DOCK3: variants seen among roughly 807,000 people sequenced by gnomAD.
DOCK3 encodes the protein dedicator of cytokinesis protein 3.
DOCK3 carries 60 observed loss-of-function variants against 265.6 expected under a neutral mutation model. The ratio of observed to expected loss-of-function variants is 0.23; its 90% CI spans 0.18 to 0.28. The LOEUF (loss-of-function observed/expected upper bound fraction) is 0.28. Among genes scored for constraint, DOCK3 ranks in the 10% least tolerant of loss-of-function variants. The pLI is 1.00. For missense variants in DOCK3, 1,981 were observed against 2,594.3 expected, an observed-to-expected ratio of 0.76 and a Z score of 5.14; for synonymous variants, 881 against 938.0, an observed-to-expected ratio of 0.94 and a Z score of 1.11.
At chr3:50,960,858 T>G (rs987344966) in intron 5 of DOCK3, among the ~76,000 whole-genome samples, 2 of 152,196 alleles carry the variant, frequency 1.3e-5, no homozygotes, top group African/African-American at 4.8e-5. Flanking sequence ...TTTGTGGTGG[T>G]GTGAGATAAA....
chr3:50,679,910 T>A (rs1244872060), intron 1 of DOCK3, among the ~76,000 whole-genome samples: 1 of 152,226 alleles, frequency 6.6e-6, no homozygotes, highest in Non-Finnish European at 1.5e-5. Context: ...CTACTTGAGC[T>A]TTACACTATA....
intron 1 of DOCK3, among the ~76,000 whole-genome samples, chr3:50,716,523 G>A (rs138222070): frequency 2.3e-4 from 34 of 150,664 alleles, no homozygotes; most frequent in African/African-American, 4.1e-4. Flanking sequence ...GCGAGACTCC[G>A]TCTCAAAAAA....
chr3:50,792,071 A>G (rs1411182073), intron 2 of DOCK3, among the ~76,000 whole-genome samples: 3 of 149,434 alleles, frequency 2.0e-5, no homozygotes, highest in Non-Finnish European at 4.4e-5. Context: ...AATGATATGG[A>G]TTCTTCTCTG....
At chr3:50,880,756 A>T (rs1318673248) in intron 3 of DOCK3, among the ~76,000 whole-genome samples, 1 of 152,208 alleles carries the variant, frequency 6.6e-6, no homozygotes, top group Non-Finnish European at 1.5e-5. Flanking sequence ...AAAAAGTGGG[A>T]ATCCTCCCTA....
chr3:51,305,318 GTC>G (rs2082593678), intron 27 of DOCK3, among the ~76,000 whole-genome samples: 1 of 151,796 alleles, frequency 6.6e-6, no homozygotes, highest in Non-Finnish European at 1.5e-5. Flanking sequence ...ATCCTTCTTT[GTC>G]TCTAACAAAA....
At position 51,333,190 on chromosome 3, in the gene DOCK3, G is replaced by A. The variant is rs370436668; in HGVS notation, c.3548G>A (p.Arg1183His). 148 of 1,613,916 alleles carry A rather than the reference G, an allele frequency of 9.2e-5. No individual in the cohort carries two copies. The highest frequency in any genetic ancestry group is 1.1e-4 in the Non-Finnish European group (131 of 1,179,894). ...GAGAAGGTTGAACAAGAAACATGGC[G>A]CGAGACCGGCATTTCCTTTGTGACC... The part of the protein sequence containing the change: ...LLEKVEQETW[R>H]ETGISFVTSV... Residue 1183 changes from arginine (R) to histidine (H), a missense_variant, in exon 35 of 53, where the codon CGC becomes CAC. By Grantham distance (29) the Arg-to-His change is conservative (BLOSUM62 0). This residue lies in a region of DOCK3 where 1,357 missense variants were observed against 1,866.8 expected (regional missense o/e 0.73). Transcript: ENST00000266037.
intron 3 of DOCK3, among the ~76,000 whole-genome samples, chr3:50,853,635 C>T (rs779514689): frequency 4.6e-5 from 7 of 151,992 alleles, no homozygotes; most frequent in Admixed American, 3.3e-4. Context: ...CTGCAAAGAA[C>T]GTGATTTCAT....
At chr3:50,903,836 A>G (rs1348085465) in intron 4 of DOCK3, among the ~76,000 whole-genome samples, 1 of 151,922 alleles carries the variant, frequency 6.6e-6, no homozygotes, top group Non-Finnish European at 1.5e-5. Context: ...ACATATTTAT[A>G]TATGTGCCGT....
intron 1 of DOCK3, among the ~76,000 whole-genome samples, chr3:50,743,367 C>A (rs2108250654): frequency 6.6e-6 from 1 of 151,904 alleles, no homozygotes; most frequent in South Asian, 2.1e-4. Context: ...TGTAAATGGA[C>A]TAAAAGCTCC....
chr3:50,718,116 T>C (rs1309645734), intron 1 of DOCK3, among the ~76,000 whole-genome samples: 1 of 152,194 alleles, frequency 6.6e-6, no homozygotes, highest in Non-Finnish European at 1.5e-5. Context: ...CAGTTTTTTC[T>C]TGTGTGTGTC....
At chr3:50,815,375 A>G (rs1336694036) in intron 2 of DOCK3, among the ~76,000 whole-genome samples, 1 of 152,044 alleles carries the variant, frequency 6.6e-6, no homozygotes, top group African/African-American at 2.4e-5. Context: ...CTAGTTTTTC[A>G]TGTACATATC....
intron 9 of DOCK3, among the ~76,000 whole-genome samples, chr3:51,108,275 A>G (rs1236656920): frequency 2.0e-5 from 3 of 152,218 alleles, no homozygotes; most frequent in Non-Finnish European, 1.5e-5. Flanking sequence ...AAAGAATTTC[A>G]TATCCAGCCA....
rs886652281 is a variant in DOCK3 at position 51,200,401 on chromosome 3, C to T, written c.1038-8373C>T. Among the ~76,000 whole-genome samples the T allele has an allele frequency of 8.7e-5, 12 of 137,402 alleles. No homozygotes were observed. The East Asian group carries it at 1.3e-3, about 15-fold the overall frequency. 90.1% of individuals were successfully genotyped at this position (137,402 alleles called of 152,430 possible). A position where few individuals can be genotyped will look rare whatever the true frequency, so the allele number is the denominator to read the frequency against. ...TGAAGAATGCAGAAGCCTCAGGAGCCGATGCGATCAACTGGAAGAAAGGGT... is the reference window on the plus strand; with the variant it reads ...TGAAGAATGCAGAAGCCTCAGGAGCTGATGCGATCAACTGGAAGAAAGGGT... On this transcript the variant is annotated intron_variant, in intron 12 of 52. Coordinates refer to ENST00000266037, the MANE Select transcript of DOCK3 (RefSeq NM_004947.5).
At chr3:51,313,595 G>T (rs1378416753) in intron 31 of DOCK3, among the ~76,000 whole-genome samples, 3 of 152,188 alleles carry the variant, frequency 2.0e-5, no homozygotes, top group Non-Finnish European at 4.4e-5. Context: ...GGCCTGTCAA[G>T]ATGCTGGAGA....
chr3:50,775,033 C>T (rs554962310), intron 1 of DOCK3, among the ~76,000 whole-genome samples: 12 of 151,898 alleles, frequency 7.9e-5, no homozygotes, highest in South Asian at 2.1e-4. Flanking sequence ...CCTTTTTATG[C>T]ATAGTTGGAT....
At position 50,922,347 on chromosome 3, in the gene DOCK3, C is replaced by T. The variant is rs555115937; in HGVS notation, c.219-11634C>T. Among the ~76,000 whole-genome samples, 684 of 152,320 alleles carry T rather than the reference C, an allele frequency of 4.5e-3. 7 individuals are homozygous for T. Among genetic ancestry groups the T allele is most frequent in the Non-Finnish European group, 7.1e-3 (482 of 68,024 alleles). On this transcript the variant is annotated intron_variant, in intron 4 of 52. Transcript: ENST00000266037. ...ATCGAGGCTCCGTGGGTGTAGGACCCCCTGAGCCAGGCATGGGATATAATC... is the reference window on the plus strand; with the variant it reads ...ATCGAGGCTCCGTGGGTGTAGGACCTCCTGAGCCAGGCATGGGATATAATC...
intron 10 of DOCK3, among the ~76,000 whole-genome samples, chr3:51,154,230 A>G: frequency 6.6e-6 from 1 of 152,236 alleles, no homozygotes; most frequent in Non-Finnish European, 1.5e-5. Flanking sequence ...TTTATTGATA[A>G]TGCTCCAGAT....
chr3:51,200,233 C>T (rs1005984325), intron 12 of DOCK3, among the ~76,000 whole-genome samples: 5 of 151,382 alleles, frequency 3.3e-5, no homozygotes, highest in South Asian at 2.1e-4. Context: ...AATCAAACTA[C>T]GAGCTACAGG....
chr3:51,202,827 A>T (rs1320179474), intron 12 of DOCK3, among the ~76,000 whole-genome samples: 1 of 151,266 alleles, frequency 6.6e-6, no homozygotes, highest in Non-Finnish European at 1.5e-5. Context: ...ACCATGATCA[A>T]GTGGGCTTCA....
Sources: gnomAD v4.1 joint callset for allele counts (sites outside exome capture counted in the v4.1 genomes callset) on GRCh38, gnomAD v4.1.1 for gene constraint, gnomAD v4.1.1 regional missense constraint, MANE v1.5 for transcripts, NCBI Gene and HGNC (gene_info 2026-07-23, HGNC 2026-07-21) for gene names.